The following NPAS3 variants were observed in gnomAD, a reference collection of about 807,000 sequenced individuals.
NPAS3 encodes the protein neuronal PAS domain protein 3, also known as neuronal PAS domain-containing protein 3.
A neutral mutation model predicts 73.1 loss-of-function variants in NPAS3; 14 were observed. That is an observed-to-expected ratio of 0.19 (90% CI 0.13 to 0.30). The LOEUF (loss-of-function observed/expected upper bound fraction) is 0.30. Among genes scored for constraint, NPAS3 ranks in the 10% least tolerant of loss-of-function variants. The probability of loss-of-function intolerance (pLI) is 1.00; values close to 1 mark genes in which losing one functional copy is unlikely to be tolerated. For synonymous variants in NPAS3, 620 were observed against 541.5 expected (o/e 1.14, Z -2.01); for missense variants, 1,096 against 1,250.0 (o/e 0.88, Z 1.86).
intron 4 of NPAS3, among the ~76,000 whole-genome samples, chr14:33,536,148 T>C (rs932942155): frequency 1.3e-5 from 2 of 152,202 alleles, no homozygotes; most frequent in Non-Finnish European, 2.9e-5. Context: ...CTCCCTACCG[T>C]TCCACAGCAA....
At chr14:33,395,672 C>A (rs1442195965) in intron 4 of NPAS3, among the ~76,000 whole-genome samples, 4 of 151,986 alleles carry the variant, frequency 2.6e-5, no homozygotes, top group Non-Finnish European at 4.4e-5. Flanking sequence ...AAAGCTTAAC[C>A]CAGTTCCACT....
chr14:33,294,245 C>T (rs1375242948), intron 3 of NPAS3, among the ~76,000 whole-genome samples: 1 of 152,276 alleles, frequency 6.6e-6, no homozygotes, highest in African/African-American at 2.4e-5. Context: ...TATTCTTCAC[C>T]CACATTGGTC....
chr14:33,115,983 C>A (rs1370469148), intron 2 of NPAS3, among the ~76,000 whole-genome samples: 1 of 152,052 alleles, frequency 6.6e-6, no homozygotes. Context: ...ACGAGTACTT[C>A]AACAATCATG....
intron 3 of NPAS3, among the ~76,000 whole-genome samples, chr14:33,222,496 G>T (rs1241607021): frequency 6.6e-6 from 1 of 152,158 alleles, no homozygotes; most frequent in East Asian, 1.9e-4. Flanking sequence ...ACTCTCTTGT[G>T]CAAATCTCTG....
chr14:33,030,765 T>C (rs1056429706), intron 1 of NPAS3, among the ~76,000 whole-genome samples: 2 of 152,160 alleles, frequency 1.3e-5, no homozygotes, highest in Non-Finnish European at 2.9e-5. Flanking sequence ...GTGTATGCCA[T>C]TTAGAATGGA....
intron 5 of NPAS3, among the ~76,000 whole-genome samples, chr14:33,628,524 G>C (rs909596791): frequency 6.6e-6 from 1 of 152,186 alleles, no homozygotes; most frequent in Non-Finnish European, 1.5e-5. Flanking sequence ...AGAGCATTTA[G>C]TTCAATGAAT....
chr14:33,456,641 T>C (rs564834572), intron 4 of NPAS3, among the ~76,000 whole-genome samples: 151 of 152,278 alleles, frequency 9.9e-4, no homozygotes, highest in African/African-American at 3.6e-3. Flanking sequence ...TTATAACGAC[T>C]CATATATTAG....
At chr14:33,144,681 A>G (rs2139198018) in intron 2 of NPAS3, among the ~76,000 whole-genome samples, 1 of 152,344 alleles carries the variant, frequency 6.6e-6, no homozygotes, top group Admixed American at 6.5e-5. Context: ...AGTTAGGACT[A>G]CAAATGTGCA....
At chr14:33,256,107 C>T (rs243295) in intron 3 of NPAS3, among the ~76,000 whole-genome samples, 151,397 of 152,324 alleles carry the variant, frequency 0.99, 75,285 homozygotes, top group Middle Eastern at 1. Flanking sequence ...AAGTAACATA[C>T]AGCATTTGTG....
At chr14:33,259,048 C>T (rs188139830) in intron 3 of NPAS3, among the ~76,000 whole-genome samples, 5 of 152,264 alleles carry the variant, frequency 3.3e-5, no homozygotes, top group Non-Finnish European at 7.4e-5. Context: ...CTCCTGACCT[C>T]GTGATCCGCC....
intron 1 of NPAS3, among the ~76,000 whole-genome samples, chr14:32,946,348 G>GCACGCACA (rs1555374429): frequency 2.5e-4 from 35 of 139,314 alleles, no homozygotes; most frequent in African/African-American, 6.6e-4. Context: ...ACACACACGC[G>GCACGCACA]CACACACACA....
intron 4 of NPAS3, among the ~76,000 whole-genome samples, chr14:33,410,358 G>C (rs756818950): frequency 6.6e-6 from 1 of 152,148 alleles, no homozygotes; most frequent in Non-Finnish European, 1.5e-5. Flanking sequence ...ATATCTGTCA[G>C]AGTATTTCAG....
At chr14:33,446,195 G>A in intron 4 of NPAS3, among the ~76,000 whole-genome samples, 2 of 137,048 alleles carry the variant, frequency 1.5e-5, no homozygotes, top group East Asian at 4.3e-4. Context: ...TTGAGACGGA[G>A]TCTCGCTCTG....
chr14:33,781,298 A>T (rs2062971817), intron 9 of NPAS3, among the ~76,000 whole-genome samples: 1 of 152,230 alleles, frequency 6.6e-6, no homozygotes, highest in African/African-American at 2.4e-5. Context: ...AAATATACAA[A>T]TGCATCTCGC....
intron 5 of NPAS3, among the ~76,000 whole-genome samples, chr14:33,642,785 A>G (rs534773105): frequency 6.6e-6 from 1 of 152,086 alleles, no homozygotes; most frequent in East Asian, 1.9e-4. Flanking sequence ...GCCTGGCTGA[A>G]CCTCTCTTCC....
At position 33,600,489 on chromosome 14, in the gene NPAS3, C is replaced by T. The variant is rs58438469; in HGVS notation, c.558+40279C>T. Among the ~76,000 whole-genome samples, 1,083 of 152,110 alleles carry T rather than the reference C, an allele frequency of 7.1e-3. 10 individuals are homozygous for T. Among genetic ancestry groups the T allele is most frequent in the African/African-American group, 0.024 (1,016 of 41,500 alleles). On this transcript the variant is annotated intron_variant, in intron 5 of 11. Coordinates refer to ENST00000356141, the Ensembl canonical transcript of NPAS3. ...TAGATTTGGGATCAACAAATGTAAA[C>T]TGAATGAATAGAATTGTATATAGAA...
intron 1 of NPAS3, among the ~76,000 whole-genome samples, chr14:32,983,579 G>A (rs1290920568): frequency 6.6e-6 from 1 of 151,858 alleles, no homozygotes; most frequent in Non-Finnish European, 1.5e-5. Flanking sequence ...AAAAGTTTTT[G>A]CCAAACAGTA....
chr14:33,408,348 A>C (rs2047759916), intron 4 of NPAS3, among the ~76,000 whole-genome samples: 1 of 152,138 alleles, frequency 6.6e-6, no homozygotes, highest in Non-Finnish European at 1.5e-5. Flanking sequence ...GTATTTCATC[A>C]CTGGCCAAAT....
chr14:33,197,791 G>A (rs774712487), intron 2 of NPAS3, among the ~76,000 whole-genome samples: 3 of 152,174 alleles, frequency 2.0e-5, no homozygotes, highest in Non-Finnish European at 4.4e-5. Context: ...TCCTTTCTCT[G>A]TAATCTCTTA....
Sources: allele counts gnomAD v4.1 joint callset (sites outside exome capture counted in the v4.1 genomes callset), GRCh38; gene constraint gnomAD v4.1.1; transcripts MANE v1.5; gene names NCBI Gene and HGNC (gene_info 2026-07-23, HGNC 2026-07-21).